Variants in WDR37 observed in about 807,000 individuals in gnomAD.
The protein encoded by WDR37 is WD repeat-containing protein 37.
In WDR37, 19 loss-of-function variants were observed where a neutral mutation model predicts 62.9. That is an observed-to-expected ratio of 0.30 (90% CI 0.21 to 0.44). WDR37 has a LOEUF of 0.44. WDR37 is among the 20% of genes least tolerant of loss of function. The probability of loss-of-function intolerance (pLI) is 1.00; values close to 1 mark genes in which losing one functional copy is unlikely to be tolerated. For synonymous variants in WDR37, 250 were observed against 260.9 expected, an observed-to-expected ratio of 0.96 and a Z score of 0.40; for missense variants, 474 against 657.6, an observed-to-expected ratio of 0.72 and a Z score of 3.05.
At chr10:1,128,854 G>T (rs1367775359) in intron 13 of WDR37, among the ~76,000 whole-genome samples, 1 of 151,498 alleles carries the variant, frequency 6.6e-6, no homozygotes, top group African/African-American at 2.4e-5. Context: ...CTGCTCAGTG[G>T]TCCATGCTCG....
At chr10:1,095,450 A>G (rs1452659530) in intron 8 of WDR37, among the ~76,000 whole-genome samples, 1 of 152,098 alleles carries the variant, frequency 6.6e-6, no homozygotes, top group Non-Finnish European at 1.5e-5. Flanking sequence ...GGGATTGGGC[A>G]TGATGTTGAT....
Position 1,093,505 on chromosome 10 carries a change from A to AT in WDR37, c.649+16dup. 2 of 1,603,482 alleles carry AT rather than the reference A, an allele frequency of 1.2e-6. No individual in the cohort carries two copies. Among genetic ancestry groups the AT allele is most frequent in the Non-Finnish European group, 1.7e-6 (2 of 1,174,154 alleles). ...GCAGTTGGCTCTCACTGGTATGTTG[A>AT]TTTTTTTCTTTATTGAACAAAATGA... On this transcript the variant is annotated intron_variant, in intron 8 of 13. Transcript: ENST00000263150.
chr10:1,064,781 G>A (rs1833489544), intron 1 of WDR37, among the ~76,000 whole-genome samples: 2 of 151,664 alleles, frequency 1.3e-5, no homozygotes, highest in Admixed American at 6.6e-5. Flanking sequence ...TAGTAGAGAC[G>A]GGGTTTCACC....
chr10:1,072,320 T>C (rs373662035), intron 2 of WDR37, 27 bp downstream of exon 2: 11 of 1,603,186 alleles, frequency 6.9e-6, no homozygotes, highest in African/African-American at 6.7e-5. Context: ...TAGGGCCTTA[T>C]TGATTGATTG....
intron 10 of WDR37, among the ~76,000 whole-genome samples, chr10:1,104,733 A>G (rs750743821): frequency 6.6e-5 from 10 of 152,106 alleles, no homozygotes; most frequent in Non-Finnish European, 1.5e-4. Flanking sequence ...CTGCGAATCT[A>G]TCTCTAAGTG....
At chr10:1,059,438 C>G (rs111306159) in intron 1 of WDR37, among the ~76,000 whole-genome samples, 1 of 151,982 alleles carries the variant, frequency 6.6e-6, no homozygotes, top group Non-Finnish European at 1.5e-5. Flanking sequence ...ATCTGCCTTC[C>G]TCAAATTATA....
chr10:1,098,372 G>C (rs1834669306), intron 9 of WDR37, among the ~76,000 whole-genome samples: 1 of 139,168 alleles, frequency 7.2e-6, no homozygotes, highest in South Asian at 2.4e-4. Context: ...CTGTTGCCCA[G>C]GCTGGAGTGC....
chr10:1,086,326 C>T lies in WDR37; in HGVS notation c.573C>T (p.Cys191=). ...ALLWSIETGK[C]LVKYAGHVGS... ...TGTGGAGCATAGAGACAGGGAAGTGCCTAGTCAAGTACGCAGGCCACGTGG... is the reference window on the plus strand; with the variant it reads ...TGTGGAGCATAGAGACAGGGAAGTGTCTAGTCAAGTACGCAGGCCACGTGG... Residue 191 remains cysteine, a synonymous_variant, in exon 7 of 14, where the codon TGC becomes TGT. Coordinates refer to ENST00000263150, the MANE Select transcript of WDR37 (RefSeq NM_014023.4). 2 of 1,614,156 alleles carry T rather than the reference C, an allele frequency of 1.2e-6. No homozygotes were observed. Among genetic ancestry groups the T allele is most frequent in the South Asian group, 1.1e-5 (1 of 91,064 alleles).
At position 1,129,515 on chromosome 10, in the gene WDR37, G is replaced by A. The variant is rs942650022; in HGVS notation, c.*171G>A. Reference sequence around the variant, plus strand: ...TTGCATGAAATGTACAGAGAAATGTGTGGTCGTATTTTTTACTTTTGTCTT... The same window carrying A: ...TTGCATGAAATGTACAGAGAAATGTATGGTCGTATTTTTTACTTTTGTCTT... On this transcript the variant is annotated 3_prime_UTR_variant, in exon 14 of 14. Transcript: ENST00000263150. 136 of 1,068,250 alleles carry A rather than the reference G, an allele frequency of 1.3e-4. No homozygotes were observed. Among genetic ancestry groups the A allele is most frequent in the Non-Finnish European group, 1.7e-4 (133 of 770,136 alleles). 66.2% of individuals were successfully genotyped at this position (1,068,250 alleles called of 1,614,324 possible). A position where few individuals can be genotyped will look rare whatever the true frequency, so the allele number is the denominator to read the frequency against.
intron 13 of WDR37, among the ~76,000 whole-genome samples, chr10:1,125,937 C>G (rs115443928): frequency 1.3e-5 from 2 of 152,210 alleles, no homozygotes; most frequent in Admixed American, 6.5e-5. Flanking sequence ...CAAAGAGAAT[C>G]GAGACTCCAT....
chr10:1,099,295 G>A (rs186091749), intron 9 of WDR37, among the ~76,000 whole-genome samples: 18 of 152,320 alleles, frequency 1.2e-4, no homozygotes, highest in African/African-American at 4.1e-4. Flanking sequence ...CCCCCAGTTC[G>A]GTGCCTGAAC....
At chr10:1,067,392 T>G (rs1016456459) in intron 1 of WDR37, among the ~76,000 whole-genome samples, 1 of 152,274 alleles carries the variant, frequency 6.6e-6, no homozygotes, top group African/African-American at 2.4e-5. Context: ...TCATGAAAAG[T>G]TCTTGTCATG....
chr10:1,112,356 C>T (rs531910166), intron 11 of WDR37, among the ~76,000 whole-genome samples: 1 of 152,288 alleles, frequency 6.6e-6, no homozygotes, highest in African/African-American at 2.4e-5. Flanking sequence ...GTGTGTGTTC[C>T]GACTGCCCCA....
At chr10:1,079,902 T>C in intron 3 of WDR37, 109 bp from the exon 4 acceptor site, 1 of 781,062 alleles carries the variant, frequency 1.3e-6, no homozygotes, top group Non-Finnish European at 2.1e-6. Flanking sequence ...TGTCTTTGTT[T>C]ATATAACACT....
chr10:1,106,555 C>T (rs986939566), intron 11 of WDR37, among the ~76,000 whole-genome samples: 4 of 152,128 alleles, frequency 2.6e-5, no homozygotes, highest in African/African-American at 9.7e-5. Context: ...CTCTTTCTGT[C>T]GCCCGGGCTG....
Position 1,094,139 on chromosome 10 carries a change from T to C in WDR37, c.649+643T>C, listed in dbSNP as rs74117823. 5.7e-3 allele frequency among the ~76,000 whole-genome samples: 867 copies of C among 152,302 alleles called. 11 individuals are homozygous for C. The highest frequency in any genetic ancestry group is 0.02 in the African/African-American group (820 of 41,544). ...GCTTTCAGTAGACCAGAGGTCCTTA[T>C]GATTTTTCTGTAAAGGAGTAAGCAG... On this transcript the variant is annotated intron_variant, in intron 8 of 13. Transcript: ENST00000263150.
intron 11 of WDR37, among the ~76,000 whole-genome samples, chr10:1,114,385 AC>A (rs35156309): frequency 1.3e-5 from 2 of 152,102 alleles, no homozygotes; most frequent in South Asian, 2.1e-4. Context: ...AGCAGCCACC[AC>A]CCTTATCAGT....
At chr10:1,117,135 A>G (rs10751791) in intron 11 of WDR37, among the ~76,000 whole-genome samples, 87,338 of 151,976 alleles carry the variant, frequency 0.57, 26,320 homozygotes, top group Non-Finnish European at 0.67. Flanking sequence ...GCTCACTGCA[A>G]TCTCGACTTC....
intron 11 of WDR37, among the ~76,000 whole-genome samples, chr10:1,107,627 T>C (rs976044438): frequency 6.6e-6 from 1 of 150,988 alleles, no homozygotes; most frequent in Non-Finnish European, 1.5e-5. Context: ...AGCACCGCTG[T>C]CTCTTTACAC....
Sources: gnomAD v4.1 joint callset for allele counts (sites outside exome capture counted in the v4.1 genomes callset) on GRCh38, gnomAD v4.1.1 for gene constraint, MANE v1.5 for transcripts, NCBI Gene and HGNC (gene_info 2026-07-23, HGNC 2026-07-21) for gene names.